Variants in NFRKB observed in about 807,000 individuals in gnomAD.
The protein encoded by NFRKB is nuclear factor related to kappa-B-binding protein.
A neutral mutation model predicts 135.7 loss-of-function variants in NFRKB; 62 were observed. That is an observed-to-expected ratio of 0.46 (90% CI 0.37 to 0.56). The LOEUF (loss-of-function observed/expected upper bound fraction) is 0.56. NFRKB is among the 20% of genes least tolerant of loss of function. The pLI is 0.00. For synonymous variants in NFRKB, 678 were observed against 635.6 expected (o/e 1.07, Z -1.00); for missense variants, 1,545 against 1,662.0 (o/e 0.93, Z 1.22).
intron 22 of NFRKB, 42 bp downstream of exon 22, chr11:129,873,703 T>A (rs376358398): frequency 6.9e-6 from 11 of 1,597,402 alleles, no homozygotes; most frequent in Non-Finnish European, 9.4e-6. Context: ...CACCTCTGGG[T>A]CTGCATCTCT....
chr11:129,868,137 CA>C (rs1246340545), intron 24 of NFRKB, among the ~76,000 whole-genome samples: 1 of 151,686 alleles, frequency 6.6e-6, no homozygotes, highest in Non-Finnish European at 1.5e-5. Context: ...ATCTGTAGAG[CA>C]AAAGACTCCA....
chr11:129,867,901 T>C (rs1278662607), intron 24 of NFRKB, among the ~76,000 whole-genome samples: 1 of 152,200 alleles, frequency 6.6e-6, no homozygotes, highest in Non-Finnish European at 1.5e-5. Flanking sequence ...CCTTTCAAGC[T>C]AGTGGGGGAA....
intron 25 of NFRKB, among the ~76,000 whole-genome samples, chr11:129,865,460 C>T (rs1359169970): frequency 2.0e-5 from 3 of 152,188 alleles, no homozygotes; most frequent in East Asian, 3.9e-4. Context: ...CTCATTTCAT[C>T]GTGCCCTTTA....
chr11:129,884,660 TGCC>T, intron 7 of NFRKB, 82 bp downstream of exon 7: 1 of 1,465,816 alleles, frequency 6.8e-7, no homozygotes. Flanking sequence ...GGTAGGAATC[TGCC>T]CCCACCCACC....
intron 16 of NFRKB, 145 bp downstream of exon 16, chr11:129,877,180 C>T (rs1313138573): frequency 3.4e-6 from 3 of 881,436 alleles, no homozygotes; most frequent in Non-Finnish European, 5.5e-6. Context: ...GTTTCCACCC[C>T]CAACAAGTAA....
At chr11:129,871,230 G>A (rs951047559) in intron 23 of NFRKB, among the ~76,000 whole-genome samples, 1 of 151,942 alleles carries the variant, frequency 6.6e-6, no homozygotes, top group Admixed American at 6.5e-5. Flanking sequence ...ATTTTTTGTT[G>A]TATTGTTGTT....
intron 26 of NFRKB, 53 bp downstream of exon 26, chr11:129,864,913 C>T: frequency 6.2e-7 from 1 of 1,612,822 alleles, no homozygotes; most frequent in Non-Finnish European, 8.5e-7. Flanking sequence ...TTAAGAACAG[C>T]AGTGGAATCA....
chr11:129,864,651 T>C lies in NFRKB; in HGVS notation c.*74A>G, dbSNP rs1281315123. ...TGAACAGGCAAGCTTAAAACAATGA[T>C]GCAACCTCCCTGGTCCCTTCTCAGC... On this transcript the variant is annotated 3_prime_UTR_variant, in exon 27 of 27. Transcript: ENST00000682444. 15 of 1,597,430 alleles carry C rather than the reference T, an allele frequency of 9.4e-6. No homozygotes were observed. The highest frequency in any genetic ancestry group is 6.7e-5 in the African/African-American group (5 of 74,628).
intron 16 of NFRKB, 51 bp from the exon 17 acceptor site, chr11:129,876,946 C>G: frequency 1.9e-6 from 3 of 1,541,714 alleles, no homozygotes; most frequent in Non-Finnish European, 2.7e-6. Context: ...GTGGGGTTCT[C>G]TCTCGGGCTT....
intron 23 of NFRKB, chr11:129,872,636 A>T (rs747108851): frequency 2.0e-4 from 76 of 385,032 alleles, no homozygotes; most frequent in Non-Finnish European, 3.2e-4. Flanking sequence ...AGTCTATTCT[A>T]AATCCAGAAA....
At position 129,864,534 on chromosome 11, in the gene NFRKB, C is replaced by T; in HGVS notation, c.*191G>A. 3.0e-6 allele frequency: 2 copies of T among 658,102 alleles called. No individual in the cohort carries two copies. The highest frequency in any genetic ancestry group is 2.5e-6 in the Non-Finnish European group (1 of 394,076). The allele number at this position is 658,102 out of a possible 1,614,324, so 40.8% of individuals were successfully genotyped here. On this transcript the variant is annotated 3_prime_UTR_variant, in exon 27 of 27. Coordinates refer to ENST00000682444, the MANE Select transcript of NFRKB (RefSeq NM_001143835.2). ...GCAGACCTTGGAACCCTGGAGTGAA[C>T]CTTTCTCAGGGTGCTCCACTATGGC...
rs1161995872 is a variant in NFRKB, at chr11:129,872,919, T to C, written c.2728A>G (p.Ile910Val). The C allele has an allele frequency of 1.2e-6, 2 of 1,612,942 alleles. No homozygotes were observed. The highest frequency in any genetic ancestry group is 1.7e-5 in the Admixed American group (1 of 59,986). Reference protein sequence around the residue: ...SAPSASTAAVIQNVTGQNIIK... With the variant: ...SAPSASTAAVVQNVTGQNIIK... ...ATGTTCTGTCCTGTGACATTTTGAA[T>C]GACGGCAGCCGTGGAGGCACTGGGA... Residue 910 changes from isoleucine (I) to valine (V), a missense_variant, in exon 23 of 27, where the codon ATT (isoleucine) becomes GTT (valine). This residue lies in a region of NFRKB where 753 missense variants were observed against 804.3 expected (regional missense o/e 0.94). Coordinates refer to ENST00000682444, the MANE Select transcript of NFRKB (RefSeq NM_001143835.2).
In NFRKB at chr11:129,864,843, ATG is replaced by A. The variant is rs1170699174; in HGVS notation, c.3780_3781del (p.Ile1261ProfsTer32). The A allele has an allele frequency of 2.0e-5, 32 of 1,614,240 alleles. No individual in the cohort carries two copies. Among genetic ancestry groups the A allele is most frequent in the Non-Finnish European group, 2.7e-5 (32 of 1,180,050 alleles). On this transcript the variant is annotated frameshift_variant, in exon 27 of 27. Transcript: ENST00000682444. LOFTEE classifies it high-confidence loss of function. Reference sequence around the variant, plus strand: ...GAGATGGGATGCAGGGACAGTCTGGATGCGCACCTGTTTGCAAAGACAGAAGG... The same window carrying A: ...GAGATGGGATGCAGGGACAGTCTGGACGCACCTGTTTGCAAAGACAGAAGG...
rs1258592684 is a variant in NFRKB, at chr11:129,881,709, C to CA, written c.1318+17dup. On this transcript the variant is annotated intron_variant, in intron 12 of 26. Coordinates refer to ENST00000682444, the MANE Select transcript of NFRKB (RefSeq NM_001143835.2). ...AAAAGGGGGAAAAATACTGACCCTACAAAAAAGAGCATCTTACCTCGACTT... is the reference window on the plus strand; with the variant it reads ...AAAAGGGGGAAAAATACTGACCCTACAAAAAAAGAGCATCTTACCTCGACTT... 1 of 1,612,906 alleles carries CA rather than the reference C, an allele frequency of 6.2e-7. No homozygotes were observed. The highest frequency in any genetic ancestry group is 8.5e-7 in the Non-Finnish European group (1 of 1,179,480).
chr11:129,877,369 C>G lies in NFRKB; in HGVS notation c.1528G>C (p.Val510Leu). Reference sequence around the variant, plus strand: ...TTCTCCTCCCCCGTGCTGGGACGCACCACATAGTCAGTTCTTCTGGAATAT... The same window carrying G: ...TTCTCCTCCCCCGTGCTGGGACGCAGCACATAGTCAGTTCTTCTGGAATAT... ...PVPRVRTDYV[V>L]RPSTGEEKRV... The change falls in exon 16 of 27, where the codon GTG becomes CTG. Residue 510 changes from valine (V) to leucine (L), a missense_variant. Physicochemically the swap from Val to Leu is conservative, Grantham distance 32. Transcript: ENST00000682444. 1 of 1,614,212 alleles carries G rather than the reference C, an allele frequency of 6.2e-7. No individual in the cohort carries two copies. Among genetic ancestry groups the G allele is most frequent in the Non-Finnish European group, 8.5e-7 (1 of 1,180,032 alleles).
rs1196302293 is a variant in NFRKB, at chr11:129,869,589, A to C, written c.3436T>G (p.Ser1146Ala). The change falls in exon 24 of 27, where the codon TCT becomes GCT. Residue 1146 changes from serine to alanine, a missense_variant. Ser to Ala is a moderately conservative substitution (Grantham distance 99). This residue lies in a region of NFRKB where 753 missense variants were observed against 804.3 expected (regional missense o/e 0.94). Transcript: ENST00000682444. ...AAVSKTVAVA[S>A]GAASTPISIS... ...CTGATGGGGGTGCTTGCAGCCCCAG[A>C]AGCCACAGCTACAGTCTTGGACACA... is the stretch of plus-strand genomic sequence containing the variant. 1 of 1,614,228 alleles carries C rather than the reference A, an allele frequency of 6.2e-7. No homozygotes were observed. The highest frequency in any genetic ancestry group is 8.5e-7 in the Non-Finnish European group (1 of 1,180,046).
Position 129,869,747 on chromosome 11 carries a change from C to A in NFRKB, c.3278G>T (p.Gly1093Val). Residue 1093 changes from glycine to valine, a missense_variant, in exon 24 of 27, where the codon GGA (glycine) becomes GTA (valine). This residue lies in a region of NFRKB where 753 missense variants were observed against 804.3 expected (regional missense o/e 0.94). Transcript: ENST00000682444. ...TGCTTTGGGAGGCATCACTCCCAGT[C>A]CCTGCACGATGCGGATCGTGGCAGC... ...KPAATIRIVQ[G>V]LGVMPPKAGQ... The A allele has an allele frequency of 1.9e-6, 3 of 1,614,256 alleles. No individual in the cohort carries two copies. The highest frequency in any genetic ancestry group is 2.5e-6 in the Non-Finnish European group (3 of 1,180,052).
At position 129,872,993 on chromosome 11, in the gene NFRKB, G is replaced by A; in HGVS notation, c.2654C>T (p.Thr885Ile). The stretch of plus-strand genomic sequence containing the variant: ...GGCTGGCTTACTCACAGGGCTGGCT[G>A]TGGCAGGGAGACTTGTCACCGTGAG... ...TGLTVTSLPA[T>I]ASPVSKPATS... The change falls in exon 23 of 27, where the codon ACA becomes ATA. Residue 885 changes from threonine to isoleucine, a missense_variant. This residue lies in a region of NFRKB where 753 missense variants were observed against 804.3 expected (regional missense o/e 0.94). Coordinates refer to ENST00000682444, the MANE Select transcript of NFRKB (RefSeq NM_001143835.2). The A allele has an allele frequency of 6.2e-7, 1 of 1,614,252 alleles. No individual in the cohort carries two copies. The highest frequency in any genetic ancestry group is 1.1e-5 in the South Asian group (1 of 91,084).
intron 9 of NFRKB, among the ~76,000 whole-genome samples, 181 bp from the exon 10 acceptor site, chr11:129,882,812 CTCA>C (rs1949093520): frequency 6.6e-6 from 1 of 152,006 alleles, no homozygotes. Context: ...GAGACAGGAT[CTCA>C]CTCTGTTGCC....
Sources: gnomAD v4.1 joint callset for allele counts (sites outside exome capture counted in the v4.1 genomes callset) on GRCh38, gnomAD v4.1.1 for gene constraint, gnomAD v4.1.1 regional missense constraint, MANE v1.5 for transcripts, NCBI Gene and HGNC (gene_info 2026-07-23, HGNC 2026-07-21) for gene names.